The following CAMK4 variants were observed in gnomAD, a reference collection of about 807,000 sequenced individuals.
CAMK4 encodes the protein calcium/calmodulin-dependent protein kinase type IV.
A neutral mutation model predicts 44.9 loss-of-function variants in CAMK4; 22 were observed. The ratio of observed to expected loss-of-function variants is 0.49; its 90% CI spans 0.35 to 0.70. The LOEUF is 0.70. CAMK4 is among the 30% of genes least tolerant of loss of function. The pLI, the probability that CAMK4 is intolerant of heterozygous loss-of-function variation, is 0.01. For missense variants in CAMK4, 498 were observed against 586.8 expected, an observed-to-expected ratio of 0.85 and a Z score of 1.56; for synonymous variants, 218 against 215.4, an observed-to-expected ratio of 1.01 and a Z score of -0.11.
At chr5:111,253,901 C>T (rs1048749352) in intron 1 of CAMK4, among the ~76,000 whole-genome samples, 1 of 152,086 alleles carries the variant, frequency 6.6e-6, no homozygotes, top group East Asian at 1.9e-4. Flanking sequence ...CTATTTAAAC[C>T]ATTCCCAAAT....
intron 5 of CAMK4, among the ~76,000 whole-genome samples, chr5:111,439,596 G>C (rs779267097): frequency 1.3e-5 from 2 of 152,200 alleles, no homozygotes; most frequent in Admixed American, 1.3e-4. Flanking sequence ...GAAATGTTGA[G>C]ACTGGAGCAC....
chr5:111,459,382 T>C (rs1214534911), intron 7 of CAMK4, among the ~76,000 whole-genome samples: 2 of 152,116 alleles, frequency 1.3e-5, no homozygotes, highest in Non-Finnish European at 2.9e-5. Context: ...TTGGGAGTGT[T>C]CACAAAAGCT....
At chr5:111,377,552 G>C (rs578110531) in intron 4 of CAMK4, among the ~76,000 whole-genome samples, 1 of 152,050 alleles carries the variant, frequency 6.6e-6, no homozygotes, top group African/African-American at 2.4e-5. Context: ...AAATCTGGCA[G>C]AGCATAATAT....
intron 1 of CAMK4, among the ~76,000 whole-genome samples, chr5:111,339,720 A>G (rs1749559284): frequency 6.6e-6 from 1 of 151,102 alleles, no homozygotes; most frequent in African/African-American, 2.4e-5. Context: ...GTCTTTTGTG[A>G]TTCCACAGGA....
intron 4 of CAMK4, among the ~76,000 whole-genome samples, chr5:111,392,428 C>T (rs1751836525): frequency 6.6e-6 from 1 of 152,072 alleles, no homozygotes; most frequent in Non-Finnish European, 1.5e-5. Context: ...CTGGGCCCCT[C>T]CTCCAATTTG....
chr5:111,353,718 T>A (rs760042229), intron 2 of CAMK4, among the ~76,000 whole-genome samples: 5 of 139,628 alleles, frequency 3.6e-5, no homozygotes, highest in African/African-American at 1.2e-4. Flanking sequence ...ACAAACTATC[T>A]GAAAAAGAAA....
intron 1 of CAMK4, among the ~76,000 whole-genome samples, chr5:111,328,632 C>T (rs1054550970): frequency 6.6e-6 from 1 of 151,992 alleles, no homozygotes; most frequent in Non-Finnish European, 1.5e-5. Context: ...ATTGATTCTT[C>T]CTACCCATGA....
chr5:111,458,908 G>A (rs2112997086), intron 7 of CAMK4, among the ~76,000 whole-genome samples: 2 of 152,152 alleles, frequency 1.3e-5, no homozygotes, highest in Middle Eastern at 3.4e-3. Flanking sequence ...GATAGGAGAG[G>A]GGATAACTAA....
At chr5:111,473,252 T>C in intron 7 of CAMK4, 59 bp from the exon 8 acceptor site, 1 of 1,065,810 alleles carries the variant, frequency 9.4e-7, no homozygotes, top group South Asian at 1.3e-5. Flanking sequence ...CATTGCTTGA[T>C]ATTAAAATAT....
intron 1 of CAMK4, among the ~76,000 whole-genome samples, chr5:111,253,758 A>G (rs1333713683): frequency 6.6e-6 from 1 of 152,168 alleles, no homozygotes; most frequent in African/African-American, 2.4e-5. Context: ...TTCATTTTTC[A>G]ATAGTAAGTG....
chr5:111,256,402 T>C (rs185029638), intron 1 of CAMK4, among the ~76,000 whole-genome samples: 311 of 152,288 alleles, frequency 2.0e-3, no homozygotes, highest in African/African-American at 7.2e-3. Flanking sequence ...TGTGAGAAAA[T>C]GGCATAGAGT....
At chr5:111,457,282 T>A (rs1754449590) in intron 7 of CAMK4, among the ~76,000 whole-genome samples, 1 of 152,236 alleles carries the variant, frequency 6.6e-6, no homozygotes, top group African/African-American at 2.4e-5. Flanking sequence ...GCAGAGCCAT[T>A]TTCAAGAATC....
In CAMK4 at chr5:111,370,526, T is replaced by G. The variant is rs75092776; in HGVS notation, c.241-4324T>G. On this transcript the variant is annotated intron_variant, in intron 2 of 10. Coordinates refer to ENST00000282356, the MANE Select transcript of CAMK4 (RefSeq NM_001744.6). ...AAACCCAAATATATAGTGAGAAAAATAAATTCTAGTATAACAATCTTAATT... is the reference window on the plus strand; with the variant it reads ...AAACCCAAATATATAGTGAGAAAAAGAAATTCTAGTATAACAATCTTAATT... Among the ~76,000 whole-genome samples, 1,002 of 152,160 alleles carry G rather than the reference T, an allele frequency of 6.6e-3. 12 individuals carry two copies. Among genetic ancestry groups the G allele is most frequent in the African/African-American group, 0.023 (950 of 41,512 alleles).
chr5:111,335,998 G>A (rs892064816), intron 1 of CAMK4, among the ~76,000 whole-genome samples: 66 of 151,256 alleles, frequency 4.4e-4, no homozygotes, highest in African/African-American at 1.3e-3. Context: ...CAAAACTAGA[G>A]CTCAAAAATA....
chr5:111,441,053 T>G (rs1221430573), intron 5 of CAMK4, among the ~76,000 whole-genome samples: 1 of 152,112 alleles, frequency 6.6e-6, no homozygotes, highest in African/African-American at 2.4e-5. Flanking sequence ...ATAAATTGCT[T>G]AAGGTCACAT....
At chr5:111,351,135 G>A (rs922398792) in intron 2 of CAMK4, among the ~76,000 whole-genome samples, 21 of 152,130 alleles carry the variant, frequency 1.4e-4, no homozygotes, top group Non-Finnish European at 2.9e-4. Flanking sequence ...TTCTTCAAAT[G>A]TGGGCTCTGT....
At chr5:111,426,310 A>G (rs191946388) in intron 5 of CAMK4, among the ~76,000 whole-genome samples, 8 of 152,378 alleles carry the variant, frequency 5.3e-5, no homozygotes, top group African/African-American at 1.9e-4. Flanking sequence ...GTGAATTTTT[A>G]TATACCTCAA....
In CAMK4 at chr5:111,329,688, T is replaced by G. The variant is rs555243420; in HGVS notation, c.162-14336T>G. Among the ~76,000 whole-genome samples, 10 of 151,922 alleles carry G rather than the reference T, an allele frequency of 6.6e-5. 1 individual carries two copies. The South Asian group carries it at 2.1e-3, about 31-fold the overall frequency. On this transcript the variant is annotated intron_variant, in intron 1 of 10. Transcript: ENST00000282356. ...GTGAGCTTAACATTAGCTGCTTGAT[T>G]AGTGGAAGTAGCCACATTTAGATAT...
rs1754261268 is a variant in CAMK4, at chr5:111,452,171, A to T, written c.625+2968A>T. ...CTTTGTCAGTGGGTACAGGGAGAGC[A>T]AAGTCATGGAGGATTGGCAGCATCT... On this transcript the variant is annotated intron_variant, in intron 7 of 10. Transcript: ENST00000282356. Among the ~76,000 whole-genome samples, 6 of 152,356 alleles carry T rather than the reference A, an allele frequency of 3.9e-5. No homozygotes were observed. The South Asian group carries it at 1.2e-3, about 32-fold the overall frequency.
Sources: allele counts gnomAD v4.1 joint callset (sites outside exome capture counted in the v4.1 genomes callset), GRCh38; gene constraint gnomAD v4.1.1; transcripts MANE v1.5; gene names NCBI Gene and HGNC (gene_info 2026-07-23, HGNC 2026-07-21).